The following GPHN variants were observed in gnomAD, a reference collection of about 807,000 sequenced individuals.
GPHN encodes the protein gephyrin.
GPHN carries 17 observed loss-of-function variants against 95.5 expected under a neutral mutation model. The observed-to-expected ratio is 0.18, with a 90% confidence interval of 0.12 to 0.27. The LOEUF is 0.27. GPHN is among the 10% of genes least tolerant of loss of function. The pLI is 1.00. For synonymous variants in GPHN, 320 were observed against 322.5 expected (o/e 0.99, Z 0.08); for missense variants, 660 against 978.1 (o/e 0.67, Z 4.34).
intron 2 of GPHN, among the ~76,000 whole-genome samples, chr14:66,752,888 T>C (rs2058421730): frequency 7.7e-6 from 1 of 130,690 alleles, no homozygotes; most frequent in South Asian, 2.3e-4. Context: ...GAGACCAACA[T>C]GTTAATCTTA....
At chr14:67,355,711 C>G in the GPHN span, among the ~76,000 whole-genome samples, 1 of 151,560 alleles carries the variant, frequency 6.6e-6, no homozygotes, top group Non-Finnish European at 1.5e-5. Context: ...GAAGAATGCT[C>G]TAAATAAGGT....
At chr14:66,814,534 G>A (rs1336042317) in intron 3 of GPHN, among the ~76,000 whole-genome samples, 1 of 152,194 alleles carries the variant, frequency 6.6e-6, no homozygotes, top group Non-Finnish European at 1.5e-5. Context: ...CCAGGAGTTG[G>A]GAGCTGAGCA....
At chr14:66,895,095 C>G (rs1596306078) in intron 5 of GPHN, among the ~76,000 whole-genome samples, 2 of 152,304 alleles carry the variant, frequency 1.3e-5, no homozygotes, top group South Asian at 2.1e-4. Flanking sequence ...ATAGCAAAGA[C>G]TTGGAACCAA....
chr14:67,576,813 TC>T, the GPHN span, among the ~76,000 whole-genome samples: 1 of 152,182 alleles, frequency 6.6e-6, no homozygotes, highest in Non-Finnish European at 1.5e-5. This position sits in a 1 kb window ranked among gnomAD's most constrained non-coding sequence, Gnocchi z 4.0. Flanking sequence ...AGCTGGTTAA[TC>T]TATAGTTAGA....
Position 66,892,622 on chromosome 14 carries a change from A to G in GPHN, c.389+12589A>G, listed in dbSNP as rs559517218. On this transcript the variant is annotated intron_variant, in intron 5 of 22. Coordinates refer to ENST00000478722, the MANE Select transcript of GPHN (RefSeq NM_020806.5). ...AATTCTAACACTTGCTACAACATAAATGAATCTTGAAAACATTGTGCTAAA... is the reference window on the plus strand; with the variant it reads ...AATTCTAACACTTGCTACAACATAAGTGAATCTTGAAAACATTGTGCTAAA... Among the ~76,000 whole-genome samples the G allele has an allele frequency of 4.7e-4, 71 of 152,352 alleles. 1 individual carries two copies. The South Asian group carries it at 0.014, about 30-fold the overall frequency.
chr14:67,440,358 G>A, the GPHN span, among the ~76,000 whole-genome samples: 9 of 152,160 alleles, frequency 5.9e-5, no homozygotes, highest in Middle Eastern at 3.4e-3. Flanking sequence ...TATACAGGTG[G>A]TCAGGATTTA....
chr14:66,924,703 C>A (rs915155179), intron 8 of GPHN, among the ~76,000 whole-genome samples: 3 of 152,070 alleles, frequency 2.0e-5, no homozygotes, highest in Admixed American at 6.6e-5. Flanking sequence ...TATTAACCTT[C>A]CTGTTTTGTC....
At chr14:67,571,871 CG>C in the GPHN span, 1 of 1,612,798 alleles carries the variant, frequency 6.2e-7, no homozygotes. Context: ...GGAAGACCAG[CG>C]GACTAGGCAG....
chr14:66,883,539 C>T (rs575374507), intron 5 of GPHN, among the ~76,000 whole-genome samples: 21 of 152,136 alleles, frequency 1.4e-4, no homozygotes, highest in African/African-American at 5.1e-4. Flanking sequence ...CCCATGAGAA[C>T]TGGTCAAATT....
At chr14:66,793,751 A>G (rs901864357) in intron 3 of GPHN, among the ~76,000 whole-genome samples, 1 of 152,200 alleles carries the variant, frequency 6.6e-6, no homozygotes, top group Non-Finnish European at 1.5e-5. Flanking sequence ...TATTCATCGT[A>G]AAACCCTAGA....
the GPHN span, chr14:67,653,562 C>T: frequency 1.4e-6 from 2 of 1,429,564 alleles, no homozygotes; most frequent in African/African-American, 1.4e-5. Context: ...ATTGAATATC[C>T]CTAGATTAAC....
At chr14:66,760,936 CT>C in intron 2 of GPHN, 5 of 869,794 alleles carry the variant, frequency 5.7e-6, no homozygotes, top group Non-Finnish European at 7.3e-6. Flanking sequence ...ATCCGAGCCT[CT>C]TTTGCAGGCA....
intron 11 of GPHN, among the ~76,000 whole-genome samples, chr14:67,060,794 G>C (rs979131126): frequency 1.3e-5 from 2 of 151,984 alleles, no homozygotes; most frequent in African/African-American, 4.8e-5. Context: ...ATTGACTTCA[G>C]ATGGCCTCAT....
At chr14:67,193,730 C>G in the GPHN span, among the ~76,000 whole-genome samples, 1 of 147,816 alleles carries the variant, frequency 6.8e-6, no homozygotes, top group East Asian at 2.0e-4. Context: ...ATCACTTGAG[C>G]CCAGGAGTTT....
At chr14:66,758,170 G>T (rs1216271096) in intron 2 of GPHN, among the ~76,000 whole-genome samples, 1 of 152,216 alleles carries the variant, frequency 6.6e-6, no homozygotes, top group African/African-American at 2.4e-5. Context: ...GTGGGGATCA[G>T]TCAGAGGAAA....
At chr14:67,447,482 A>G in the GPHN span, 2 of 152,354 alleles carry the variant, frequency 1.3e-5, no homozygotes, top group South Asian at 4.1e-4. Context: ...CATTAATAGC[A>G]TTATGATAGT....
chr14:67,379,936 A>G, the GPHN span, among the ~76,000 whole-genome samples: 4 of 151,580 alleles, frequency 2.6e-5, no homozygotes, highest in African/African-American at 9.7e-5. Context: ...TTTCTTTTTA[A>G]TAGAGATGGA....
the GPHN span, among the ~76,000 whole-genome samples, chr14:67,266,067 A>G: frequency 6.6e-6 from 1 of 152,098 alleles, no homozygotes; most frequent in African/African-American, 2.4e-5. Flanking sequence ...TCTGCTTCCC[A>G]AAGTGTTGGG....
the GPHN span, chr14:67,312,754 T>C: frequency 7.3e-7 from 1 of 1,365,792 alleles, no homozygotes; most frequent in Non-Finnish European, 9.7e-7. Context: ...TAAAAGAACA[T>C]TGAAAATGCA....
Sources: gnomAD v4.1 joint callset for allele counts (sites outside exome capture counted in the v4.1 genomes callset) on GRCh38, gnomAD v4.1.1 for gene constraint, Gnocchi (gnomAD v3.1) non-coding constraint, MANE v1.5 for transcripts, NCBI Gene and HGNC (gene_info 2026-07-23, HGNC 2026-07-21) for gene names.